APOO: variants seen among roughly 807,000 people sequenced by gnomAD.
APOO encodes the protein apolipoprotein O, also known as MICOS complex subunit MIC26.
In APOO, 11 loss-of-function variants were observed where a neutral mutation model predicts 23.1. The ratio of observed to expected loss-of-function variants is 0.48; its 90% CI spans 0.30 to 0.79. The LOEUF (loss-of-function observed/expected upper bound fraction) is 0.79, where lower values mean the gene tolerates loss of function less well. Ranked by LOEUF, APOO falls within the 30% of genes least tolerant of loss-of-function variation. The pLI, the probability that APOO is intolerant of heterozygous loss-of-function variation, is 0.07. For synonymous variants in APOO, 59 were observed against 54.8 expected, an observed-to-expected ratio of 1.08 and a Z score of -0.34; for missense variants, 160 against 142.7, an observed-to-expected ratio of 1.12 and a Z score of -0.62.
intron 4 of APOO, among the ~76,000 whole-genome samples, chrX:23,870,177 T>G (rs182635729): frequency 9.0e-6 from 1 of 110,926 alleles, no homozygotes; most frequent in East Asian, 2.8e-4. Context: ...GCCTTCTGAC[T>G]TCATTCACAT....
intron 7 of APOO, among the ~76,000 whole-genome samples, chrX:23,848,259 G>C (rs1924349250): frequency 9.0e-6 from 1 of 110,552 alleles, no homozygotes; most frequent in Non-Finnish European, 1.9e-5. Context: ...CTACCGCCCA[G>C]GTTCAGGTGA....
chrX:23,855,341 T>C (rs1419518760), intron 7 of APOO, among the ~76,000 whole-genome samples: 1 of 111,261 alleles, frequency 9.0e-6, no homozygotes, highest in Non-Finnish European at 1.9e-5. Context: ...AAGATTTCAC[T>C]AGAAGATTAT....
chrX:23,861,796 CTTTTTTTT>C, intron 5 of APOO, among the ~76,000 whole-genome samples: 1 of 67,481 alleles, frequency 1.5e-5, no homozygotes, highest in African/African-American at 5.8e-5. Flanking sequence ...ACAGGGAGTT[CTTTTTTTT>C]TTTTTTTTTT....
At chrX:23,894,521 C>A (rs903690924) in intron 1 of APOO, among the ~76,000 whole-genome samples, 1 of 111,945 alleles carries the variant, frequency 8.9e-6, no homozygotes, top group Admixed American at 9.5e-5. Flanking sequence ...CTCGGCCAGG[C>A]GCCGTGGCTC....
intron 1 of APOO, among the ~76,000 whole-genome samples, chrX:23,887,229 C>CTTTTTTTTTTTTTT (rs765596270): frequency 5.5e-5 from 3 of 54,212 alleles, no homozygotes; most frequent in Non-Finnish European, 6.3e-5. Context: ...TTCTTTTTCC[C>CTTTTTTTTTTTTTT]TTTTTTTTTT....
At position 23,849,610 on chromosome X, in the gene APOO, GTT is replaced by G. The variant is rs1924435859; in HGVS notation, c.561+6690_561+6691del. Among the ~76,000 whole-genome samples, 15 of 44,621 alleles carry G rather than the reference GTT, an allele frequency of 3.4e-4. 1 individual carries two copies. The highest frequency in any genetic ancestry group is 1.6e-3 in the African/African-American group (13 of 8,191). 38.7% of individuals were successfully genotyped at this position (44,621 alleles called of 115,157 possible). On this transcript the variant is annotated intron_variant, in intron 7 of 8. Transcript: ENST00000379226. ...AAAAAAAAAAAAAAAAAAAAAAAAA[GTT>G]CGGGCATGGTGGCTCACACCTGTAA...
intron 3 of APOO, among the ~76,000 whole-genome samples, chrX:23,877,438 T>C (rs1204335388): frequency 1.8e-5 from 2 of 112,130 alleles, no homozygotes; most frequent in African/African-American, 3.2e-5. Context: ...AACAGCAGCA[T>C]AGGCAACGGA....
intron 5 of APOO, among the ~76,000 whole-genome samples, chrX:23,862,047 G>T (rs762956481): frequency 4.5e-5 from 5 of 109,965 alleles, no homozygotes; most frequent in African/African-American, 1.7e-4. Flanking sequence ...CAGGTGATCC[G>T]CCTGCCTCAG....
intron 7 of APOO, among the ~76,000 whole-genome samples, chrX:23,844,683 A>G (rs1478863571): frequency 8.9e-6 from 1 of 111,952 alleles, no homozygotes; most frequent in Non-Finnish European, 1.9e-5. Context: ...AAAGGAACGC[A>G]ACCCTGCTGA....
Position 23,893,261 on chromosome X carries a change from C to CAA in APOO, c.10-12311_10-12310dup, listed in dbSNP as rs749472447. 6.5e-3 allele frequency among the ~76,000 whole-genome samples: 481 copies of CAA among 74,080 alleles called. 4 individuals are homozygous for CAA. The highest frequency in any genetic ancestry group is 0.021 in the African/African-American group (457 of 21,411). The allele number at this position is 74,080 out of a possible 115,157, so 64.3% of individuals were successfully genotyped here. A position where few individuals can be genotyped will look rare whatever the true frequency, so the allele number is the denominator to read the frequency against. On this transcript the variant is annotated intron_variant, in intron 1 of 8. Transcript: ENST00000379226. ...TGAAACCCCATCTCTACTAAAAATA[C>CAA]AAAAAAAAAAAAAACAAAACATTAG...
At chrX:23,897,927 G>A (rs971744361) in intron 1 of APOO, among the ~76,000 whole-genome samples, 22 of 105,301 alleles carry the variant, frequency 2.1e-4, no homozygotes, top group African/African-American at 7.6e-4. Context: ...CCTGGGAGGT[G>A]GAGGTTGCAG....
At position 23,885,885 on chromosome X, in the gene APOO, G is replaced by A. The variant is rs189412245; in HGVS notation, c.10-4933C>T. Among the ~76,000 whole-genome samples the A allele has an allele frequency of 1.2e-4, 13 of 111,467 alleles. No homozygotes were observed. In the East Asian group the frequency reaches 3.4e-3, roughly 29 times the overall value. On this transcript the variant is annotated intron_variant, in intron 1 of 8. Transcript: ENST00000379226. ...GACAAGCAAACAAAACAAAGAAAAAGCAAACCTCACCCCAGGAGACCTGGG... is the reference window on the plus strand; with the variant it reads ...GACAAGCAAACAAAACAAAGAAAAAACAAACCTCACCCCAGGAGACCTGGG...
At chrX:23,862,271 C>G (rs1925088372) in intron 5 of APOO, among the ~76,000 whole-genome samples, 1 of 109,616 alleles carries the variant, frequency 9.1e-6, no homozygotes. Context: ...TTTTAAAAGC[C>G]ACTACATTAA....
chrX:23,857,109 C>T (rs975081950), intron 6 of APOO, among the ~76,000 whole-genome samples: 7 of 110,137 alleles, frequency 6.4e-5, no homozygotes, highest in African/African-American at 2.3e-4. Context: ...GAGAAGAGGG[C>T]GAGGATCAAA....
intron 7 of APOO, among the ~76,000 whole-genome samples, chrX:23,854,308 T>C (rs1924681555): frequency 1.8e-5 from 2 of 111,757 alleles, no homozygotes; most frequent in African/African-American, 6.5e-5. Flanking sequence ...TGTGCGTGTG[T>C]GTCTGCACAG....
intron 5 of APOO, among the ~76,000 whole-genome samples, chrX:23,861,278 CTT>C (rs1373687865): frequency 9.0e-6 from 1 of 110,551 alleles, no homozygotes; most frequent in African/African-American, 3.3e-5. Flanking sequence ...AGTGAGTTCT[CTT>C]GAGATCTGGT....
intron 4 of APOO, among the ~76,000 whole-genome samples, chrX:23,873,606 CA>C (rs1244513973): frequency 4.2e-4 from 33 of 78,571 alleles, no homozygotes; most frequent in Admixed American, 4.5e-4. Context: ...TATTTTGTCT[CA>C]AAAAAAAAAA....
intron 5 of APOO, among the ~76,000 whole-genome samples, chrX:23,859,568 C>T (rs376302426): frequency 3.6e-5 from 4 of 110,641 alleles, no homozygotes; most frequent in Non-Finnish European, 5.7e-5. Flanking sequence ...CTCAGCCTCT[C>T]GAGTAGCTGG....
At chrX:23,881,178 G>A (rs899794388) in intron 1 of APOO, among the ~76,000 whole-genome samples, 1 of 110,223 alleles carries the variant, frequency 9.1e-6, no homozygotes, top group African/African-American at 3.3e-5. Flanking sequence ...AGGTTCAAGC[G>A]ATTCTTCTAC....
Sources: gnomAD v4.1 joint callset for allele counts (sites outside exome capture counted in the v4.1 genomes callset) on GRCh38, gnomAD v4.1.1 for gene constraint, MANE v1.5 for transcripts, NCBI Gene and HGNC (gene_info 2026-07-23, HGNC 2026-07-21) for gene names.